The following RANBP2 variants were observed in gnomAD, a reference collection of about 807,000 sequenced individuals.
RANBP2 encodes the protein E3 SUMO-protein ligase RanBP2.
Under a neutral mutation model 303.6 loss-of-function variants are expected in RANBP2, and 57 were observed. The ratio of observed to expected loss-of-function variants is 0.19; its 90% CI spans 0.15 to 0.23. The LOEUF (loss-of-function observed/expected upper bound fraction) is 0.23, where lower values mean the gene tolerates loss of function less well. Among genes scored for constraint, RANBP2 ranks in the 10% least tolerant of loss-of-function variants. RANBP2 has a pLI of 1.00. For synonymous variants in RANBP2, 1,167 were observed against 1,301.5 expected (o/e 0.90, Z 2.23); for missense variants, 3,138 against 3,780.8 (o/e 0.83, Z 4.46).
chr2:108,957,110 G>C, the RANBP2 span, among the ~76,000 whole-genome samples: 3 of 152,210 alleles, frequency 2.0e-5, no homozygotes, highest in African/African-American at 7.2e-5. Context: ...CTGTGTAACT[G>C]TGGGACTTGC....
chr2:109,766,527 T>G, the RANBP2 span, among the ~76,000 whole-genome samples: 2 of 150,494 alleles, frequency 1.3e-5, no homozygotes, highest in East Asian at 4.0e-4. Context: ...AGATGAGTAT[T>G]GTGTGTGGGG....
chr2:108,800,652 GT>G, the RANBP2 span, among the ~76,000 whole-genome samples: 1 of 51,804 alleles, frequency 1.9e-5, no homozygotes, highest in Non-Finnish European at 3.4e-5. Context: ...TATACTTTAA[GT>G]TTTAGGGTAC....
chr2:109,160,443 A>G, the RANBP2 span, among the ~76,000 whole-genome samples: 1 of 152,242 alleles, frequency 6.6e-6, no homozygotes, highest in South Asian at 2.1e-4. Flanking sequence ...TGTGCTTTCC[A>G]GCAACAGGGT....
At chr2:108,912,210 G>C in the RANBP2 span, among the ~76,000 whole-genome samples, 1 of 152,224 alleles carries the variant, frequency 6.6e-6, no homozygotes, top group Non-Finnish European at 1.5e-5. Flanking sequence ...GGCTGACTCT[G>C]AGAGACATAT....
chr2:109,252,937 C>G, the RANBP2 span, among the ~76,000 whole-genome samples: 1 of 152,212 alleles, frequency 6.6e-6, no homozygotes, highest in Non-Finnish European at 1.5e-5. Context: ...AGGGGACTGA[C>G]TGTAGTCAAT....
Position 108,763,415 on chromosome 2 carries a change from A to G in RANBP2, c.2876A>G (p.Asp959Gly). The change falls in exon 20 of 29, where the codon GAT becomes GGT. Residue 959 changes from aspartate to glycine, a missense_variant. By Grantham distance (94) the Asp-to-Gly change is moderately conservative. This residue lies in a region of RANBP2 where 403 missense variants were observed against 376.7 expected (regional missense o/e 1.07). Coordinates refer to ENST00000283195, the MANE Select transcript of RANBP2 (RefSeq NM_006267.5). ...ACGGGAATTCTATCGCCCAGGGGTG[A>G]TGATTACTTTAATTACAATGTTCAA... Reference protein sequence around the residue: ...PATGILSPRGDDYFNYNVQQT... With the variant: ...PATGILSPRGGDYFNYNVQQT... 2 of 1,613,976 alleles carry G rather than the reference A, an allele frequency of 1.2e-6. No homozygotes were observed. The highest frequency in any genetic ancestry group is 1.7e-6 in the Non-Finnish European group (2 of 1,179,966).
At chr2:109,282,476 G>A in the RANBP2 span, among the ~76,000 whole-genome samples, 1 of 152,176 alleles carries the variant, frequency 6.6e-6, no homozygotes, top group East Asian at 1.9e-4. Context: ...ACTGCAGGAA[G>A]GCCCGAGGGT....
chr2:109,250,353 A>G, the RANBP2 span, among the ~76,000 whole-genome samples: 1 of 152,130 alleles, frequency 6.6e-6, no homozygotes, highest in African/African-American at 2.4e-5. Context: ...AACAGTCTCC[A>G]TCAGCTCTGA....
At chr2:109,518,096 A>T in the RANBP2 span, among the ~76,000 whole-genome samples, 8 of 152,218 alleles carry the variant, frequency 5.3e-5, no homozygotes, top group Non-Finnish European at 7.3e-5. Flanking sequence ...CGCTTTTCTA[A>T]TTGGCGGCAT....
the RANBP2 span, among the ~76,000 whole-genome samples, chr2:108,853,358 A>G: frequency 1.3e-5 from 2 of 152,166 alleles, no homozygotes; most frequent in Non-Finnish European, 2.9e-5. Context: ...CCATATCATG[A>G]GCATAGTACA....
At chr2:109,386,277 G>A in the RANBP2 span, among the ~76,000 whole-genome samples, 71 of 152,306 alleles carry the variant, frequency 4.7e-4, 1 homozygote, top group Admixed American at 4.1e-3. Context: ...CTCCCTATCC[G>A]TTAGAGACGC....
Position 108,751,310 on chromosome 2 carries a change from T to G in RANBP2, c.1320T>G (p.Leu440=). The G allele has an allele frequency of 6.2e-7, 1 of 1,611,974 alleles. No individual in the cohort carries two copies. The highest frequency in any genetic ancestry group is 1.3e-5 in the African/African-American group (1 of 74,980). Residue 440 remains leucine, a synonymous_variant, in exon 10 of 29, where the codon CTT becomes CTG. Transcript: ENST00000283195. ...GTAGTCTTCAGCACCTTACTTGGCT[T>G]GGCTTACAGTGGAATTCATTGCCTG... The part of the protein sequence containing the change: ...HNGSLQHLTW[L]GLQWNSLPAL...
chr2:109,272,872 C>A, the RANBP2 span, among the ~76,000 whole-genome samples: 1 of 152,198 alleles, frequency 6.6e-6, no homozygotes, highest in East Asian at 1.9e-4. Flanking sequence ...CAAACGTTCT[C>A]TAACATCCCT....
At chr2:108,739,894 A>G (rs932084674) in intron 6 of RANBP2, among the ~76,000 whole-genome samples, 31 of 152,292 alleles carry the variant, frequency 2.0e-4, no homozygotes, top group African/African-American at 4.1e-4. Context: ...AGGCTGAGTC[A>G]GGAGAATCAC....
the RANBP2 span, among the ~76,000 whole-genome samples, chr2:109,483,334 C>T: frequency 6.6e-6 from 1 of 152,236 alleles, no homozygotes; most frequent in Non-Finnish European, 1.5e-5. Context: ...CTGCAAGCCC[C>T]AGTGGTGCCT....
At chr2:108,994,819 TATATATATATC>T in the RANBP2 span, among the ~76,000 whole-genome samples, 287 of 9,988 alleles carry the variant, frequency 0.029, 2 homozygotes, top group South Asian at 0.31. Flanking sequence ...TATATATATA[TATATATATATC>T]TTTTTTTTTT....
In RANBP2 at chr2:108,785,681, G is replaced by C. The variant is rs1199278208; in HGVS notation, c.*1780G>C. 2 of 152,102 alleles carry C rather than the reference G, an allele frequency of 1.3e-5. No individual in the cohort carries two copies. Among genetic ancestry groups the C allele is most frequent in the Non-Finnish European group, 2.9e-5 (2 of 67,998 alleles). 9.4% of individuals were successfully genotyped at this position (152,102 alleles called of 1,614,324 possible). A position where few individuals can be genotyped will look rare whatever the true frequency, so the allele number is the denominator to read the frequency against. Reference sequence around the variant, plus strand: ...GTGTCACATTTCAGGAAAGGACTTTGATTTCTCTTTGTTATTTAATCACTG... The same window carrying C: ...GTGTCACATTTCAGGAAAGGACTTTCATTTCTCTTTGTTATTTAATCACTG... On this transcript the variant is annotated 3_prime_UTR_variant, in exon 29 of 29. Coordinates refer to ENST00000283195, the MANE Select transcript of RANBP2 (RefSeq NM_006267.5).
the RANBP2 span, among the ~76,000 whole-genome samples, chr2:108,821,062 A>G: frequency 6.6e-6 from 1 of 152,222 alleles, no homozygotes; most frequent in Non-Finnish European, 1.5e-5. Flanking sequence ...ACAACATATA[A>G]AGATATAATT....
chr2:109,235,228 A>G, the RANBP2 span, among the ~76,000 whole-genome samples: 3 of 152,226 alleles, frequency 2.0e-5, no homozygotes, highest in African/African-American at 7.2e-5. Context: ...AGCATGTAAA[A>G]TAGATCAACC....
Sources: allele counts gnomAD v4.1 joint callset (sites outside exome capture counted in the v4.1 genomes callset), GRCh38; gene constraint gnomAD v4.1.1; regional missense constraint gnomAD v4.1.1; transcripts MANE v1.5; gene names NCBI Gene and HGNC (gene_info 2026-07-23, HGNC 2026-07-21).